The following TENM2 variants were observed in gnomAD, a reference collection of about 807,000 sequenced individuals.
TENM2 encodes teneurin-2.
TENM2 carries 52 observed loss-of-function variants against 245.2 expected under a neutral mutation model. That is an observed-to-expected ratio of 0.21 (90% CI 0.17 to 0.27). The LOEUF is 0.27. Among genes scored for constraint, TENM2 ranks in the 10% least tolerant of loss-of-function variants. The pLI is 1.00. For synonymous variants in TENM2, 1,363 were observed against 1,438.9 expected, an observed-to-expected ratio of 0.95 and a Z score of 1.19; for missense variants, 3,046 against 3,666.8, an observed-to-expected ratio of 0.83 and a Z score of 4.37.
chr5:168,099,525 T>G (rs1793638404), intron 9 of TENM2, among the ~76,000 whole-genome samples: 1 of 152,152 alleles, frequency 6.6e-6, no homozygotes, highest in Non-Finnish European at 1.5e-5. Flanking sequence ...ACTTTCTTAT[T>G]TAATTATGCA....
rs528330168 is a variant in TENM2 at position 168,058,053 on chromosome 5, GTGGTTA to G, written c.1310-4006_1310-4001del. On this transcript the variant is annotated intron_variant, in intron 6 of 28. Transcript: ENST00000518659. ...CCCAGCCAAGCACAAGCTCACATGA[GTGGTTA>G]CCTAATGCGCCTCACATGGCATAAT... Among the ~76,000 whole-genome samples, 5 of 152,330 alleles carry G rather than the reference GTGGTTA, an allele frequency of 3.3e-5. No homozygotes were observed. In the East Asian group the frequency reaches 9.7e-4, roughly 29 times the overall value.
intron 4 of TENM2, among the ~76,000 whole-genome samples, chr5:167,966,158 C>A (rs186012594): frequency 6.2e-4 from 94 of 152,304 alleles, no homozygotes; most frequent in African/African-American, 2.2e-3. Flanking sequence ...GAGGCCTCAC[C>A]ACTCCATGGT....
chr5:167,084,366 T>TATATATACACAC, the TENM2 span, among the ~76,000 whole-genome samples: 1 of 114,898 alleles, frequency 8.7e-6, no homozygotes, highest in Non-Finnish European at 1.9e-5. Flanking sequence ...TATATATATA[T>TATATATACACAC]ACAGATCAGA....
At chr5:167,000,887 G>A in the TENM2 span, among the ~76,000 whole-genome samples, 3 of 152,114 alleles carry the variant, frequency 2.0e-5, no homozygotes, top group African/African-American at 7.2e-5. Context: ...TCTGGCCAGT[G>A]GACCTTCTTG....
chr5:167,307,874 A>G (rs1189406013), intron 1 of TENM2: 2 of 152,182 alleles, frequency 1.3e-5, no homozygotes, highest in Non-Finnish European at 2.9e-5. Flanking sequence ...TGCTGTTGCT[A>G]TCTTTTGTGG....
At chr5:167,014,530 T>C in the TENM2 span, among the ~76,000 whole-genome samples, 1 of 152,138 alleles carries the variant, frequency 6.6e-6, no homozygotes, top group African/African-American at 2.4e-5. Flanking sequence ...TTTAATGGAT[T>C]CTCCACCCCT....
At chr5:167,172,806 G>A in the TENM2 span, among the ~76,000 whole-genome samples, 1 of 151,818 alleles carries the variant, frequency 6.6e-6, no homozygotes, top group African/African-American at 2.4e-5. Flanking sequence ...TACAGAGATT[G>A]GGTCTCACCG....
chr5:167,424,502 A>G (rs1250580268), intron 2 of TENM2, among the ~76,000 whole-genome samples: 1 of 152,188 alleles, frequency 6.6e-6, no homozygotes, highest in Non-Finnish European at 1.5e-5. Flanking sequence ...GGTTCCCAAT[A>G]TTTAAAAGGA....
chr5:167,975,896 G>A (rs1392923246), intron 4 of TENM2, among the ~76,000 whole-genome samples: 2 of 150,668 alleles, frequency 1.3e-5, no homozygotes, highest in African/African-American at 4.9e-5. Context: ...CAGTTGATGT[G>A]AGAGGAGCAA....
intron 2 of TENM2, among the ~76,000 whole-genome samples, chr5:167,722,560 C>T (rs965764073): frequency 6.6e-6 from 1 of 152,100 alleles, no homozygotes; most frequent in South Asian, 2.1e-4. Context: ...CAGATCATGA[C>T]GTCAGGAGAT....
At chr5:167,312,442 T>C (rs949009955) in intron 1 of TENM2, among the ~76,000 whole-genome samples, 4 of 152,142 alleles carry the variant, frequency 2.6e-5, no homozygotes, top group Non-Finnish European at 5.9e-5. Context: ...TCTTGCATCA[T>C]AGTCCAAAGC....
At chr5:167,038,353 C>T in the TENM2 span, among the ~76,000 whole-genome samples, 6,030 of 152,158 alleles carry the variant, frequency 0.04, 275 homozygotes, top group Admixed American at 0.14. Context: ...GGCAACAGAG[C>T]TGGGAACAGA....
At position 167,607,315 on chromosome 5, in the gene TENM2, G is replaced by A. The variant is rs560478773; in HGVS notation, c.502+231842G>A. 5.9e-5 allele frequency among the ~76,000 whole-genome samples: 9 copies of A among 152,256 alleles called. No homozygotes were observed. The East Asian group carries it at 1.4e-3, about 23-fold the overall frequency. ...GGCAGCTGTTTACACTCATCCCAGC[G>A]CTGCTCGATCATTGAGTTTTGTTCT... On this transcript the variant is annotated intron_variant, in intron 2 of 28. Transcript: ENST00000518659.
chr5:167,003,295 T>A, the TENM2 span, among the ~76,000 whole-genome samples: 1 of 152,194 alleles, frequency 6.6e-6, no homozygotes, highest in Non-Finnish European at 1.5e-5. Context: ...AGAACACTTA[T>A]TAAGATACCT....
upstream of TENM2, among the ~76,000 whole-genome samples, chr5:167,279,869 C>G (rs887509553): frequency 2.6e-5 from 4 of 152,160 alleles, no homozygotes; most frequent in Non-Finnish European, 5.9e-5. Context: ...TCAGATAATG[C>G]TGACATCTTT....
At chr5:167,717,878 G>T (rs2150507096) in intron 2 of TENM2, among the ~76,000 whole-genome samples, 1 of 152,324 alleles carries the variant, frequency 6.6e-6, no homozygotes, top group South Asian at 2.1e-4. Context: ...GCAGAACTTT[G>T]TCTAAAATAC....
intron 2 of TENM2, among the ~76,000 whole-genome samples, chr5:167,473,769 C>T (rs1032594822): frequency 5.3e-5 from 8 of 152,112 alleles, no homozygotes; most frequent in Non-Finnish European, 1.0e-4. Context: ...CATCTGTTTC[C>T]TTATTTAGAA....
At chr5:167,956,373 A>G (rs112649199) in intron 4 of TENM2, among the ~76,000 whole-genome samples, 4,797 of 152,190 alleles carry the variant, frequency 0.032, 262 homozygotes, top group African/African-American at 0.11. Context: ...ATTTTTGGGC[A>G]GAGATGATGG....
At chr5:167,487,282 G>C (rs1415248457) in intron 2 of TENM2, among the ~76,000 whole-genome samples, 1 of 152,150 alleles carries the variant, frequency 6.6e-6, no homozygotes, top group Non-Finnish European at 1.5e-5. Context: ...TCTGTGGGAA[G>C]AGGAAGCACT....
Sources: allele counts gnomAD v4.1 joint callset (sites outside exome capture counted in the v4.1 genomes callset), GRCh38; gene constraint gnomAD v4.1.1; transcripts MANE v1.5; gene names NCBI Gene and HGNC (gene_info 2026-07-23, HGNC 2026-07-21).